Variants in MXD1 observed in about 807,000 individuals in gnomAD.
MXD1 encodes MAX dimerization protein 1.
In MXD1, 9 loss-of-function variants were observed where a neutral mutation model predicts 25.7. The ratio of observed to expected loss-of-function variants is 0.35; its 90% CI spans 0.21 to 0.61. The LOEUF (loss-of-function observed/expected upper bound fraction) is 0.61. Among genes scored for constraint, MXD1 ranks in the 20% least tolerant of loss-of-function variants. The pLI is 0.75. For missense variants in MXD1, 227 were observed against 292.4 expected, an observed-to-expected ratio of 0.78 and a Z score of 1.63; for synonymous variants, 99 against 113.9, an observed-to-expected ratio of 0.87 and a Z score of 0.83.
chr2:69,938,244 T>C lies in MXD1; in HGVS notation c.626T>C (p.Ile209Thr), dbSNP rs200915568. Reference sequence around the variant, plus strand: ...TATTCCAGCACCAGCATCAAGAGAATAAAGCTGCAGGACAGTCACAAGGCG... The same window carrying C: ...TATTCCAGCACCAGCATCAAGAGAACAAAGCTGCAGGACAGTCACAAGGCG... ...EGYSSTSIKR[I>T]KLQDSHKACL... Residue 209 changes from isoleucine (I) to threonine (T), a missense_variant, in exon 6 of 6, where the codon ATA (isoleucine) becomes ACA (threonine). Physicochemically the swap from Ile to Thr is moderately conservative, Grantham distance 89. Coordinates refer to ENST00000264444, the MANE Select transcript of MXD1 (RefSeq NM_002357.4). 3.3e-5 allele frequency: 53 copies of C among 1,614,152 alleles called. No homozygotes were observed. The highest frequency in any genetic ancestry group is 4.2e-5 in the Non-Finnish European group (50 of 1,180,018).
At chr2:69,931,791 A>G (rs1283126047) in intron 3 of MXD1, among the ~76,000 whole-genome samples, 1 of 152,232 alleles carries the variant, frequency 6.6e-6, no homozygotes, top group Non-Finnish European at 1.5e-5. Flanking sequence ...GACCAAAGGT[A>G]TATCAGCTTA....
intron 5 of MXD1, among the ~76,000 whole-genome samples, chr2:69,937,893 C>T (rs1054126495): frequency 1.3e-5 from 2 of 152,280 alleles, no homozygotes; most frequent in Admixed American, 6.5e-5. Context: ...GGATTACAGG[C>T]GTGAGCCACC....
rs1677643232 is a variant in MXD1 at position 69,942,871 on chromosome 2, G to A, written c.*4587G>A. ...TTTAGAAACTACTACATGTTTTAGA[G>A]AATCTTTGCTGTGTATATGTAAACT... On this transcript the variant is annotated 3_prime_UTR_variant, in exon 6 of 6. Coordinates refer to ENST00000264444, the MANE Select transcript of MXD1 (RefSeq NM_002357.4). The A allele has an allele frequency of 6.6e-6, 1 of 152,148 alleles. No homozygotes were observed. The highest frequency in any genetic ancestry group is 2.4e-5 in the African/African-American group (1 of 41,418). The allele number at this position is 152,148 out of a possible 1,614,324, so 9.4% of individuals were successfully genotyped here. A position where few individuals can be genotyped will look rare whatever the true frequency, so the allele number is the denominator to read the frequency against.
In MXD1 at chr2:69,930,154, T is replaced by C. The variant is rs72904966; in HGVS notation, c.204-5197T>C. Among the ~76,000 whole-genome samples, 799 of 152,326 alleles carry C rather than the reference T, an allele frequency of 5.2e-3. 8 individuals carry two copies. Among genetic ancestry groups the C allele is most frequent in the African/African-American group, 0.019 (770 of 41,574 alleles). On this transcript the variant is annotated intron_variant, in intron 3 of 5. Coordinates refer to ENST00000264444, the MANE Select transcript of MXD1 (RefSeq NM_002357.4). ...GGAATCTGCTATTTTTTTCATTTACTCAATTTTCTTGTGTCTTTCAACAAA... is the reference window on the plus strand; with the variant it reads ...GGAATCTGCTATTTTTTTCATTTACCCAATTTTCTTGTGTCTTTCAACAAA...
At position 69,935,375 on chromosome 2, in the gene MXD1, G is replaced by A. The variant is rs1677402041; in HGVS notation, c.228G>A (p.Leu76=). The A allele has an allele frequency of 6.2e-7, 1 of 1,613,990 alleles. No individual in the cohort carries two copies. The highest frequency in any genetic ancestry group is 8.5e-7 in the Non-Finnish European group (1 of 1,179,882). The change falls in exon 4 of 6, where the codon CTG becomes CTA. Residue 76 remains leucine (L), a synonymous_variant. Transcript: ENST00000264444. The part of the protein sequence containing the change: ...KNRRAHLRLC[L]EKLKGLVPLG... Reference sequence around the variant, plus strand: ...GACGGGCTCATCTTCGCTTGTGCCTGGAGAAGTTGAAGGGGCTGGTGCCAC... The same window carrying A: ...GACGGGCTCATCTTCGCTTGTGCCTAGAGAAGTTGAAGGGGCTGGTGCCAC...
Position 69,937,359 on chromosome 2 carries a change from C to T in MXD1, c.443C>T (p.Ser148Phe). Residue 148 changes from serine (S) to phenylalanine (F), a missense_variant, in exon 5 of 6, where the codon TCC becomes TTC. Transcript: ENST00000264444. Reference sequence around the variant, plus strand: ...AGGATCCGGATGGACAGCATCGGCTCCACCGTCTCCTCGGAGCGCTCCGAC... The same window carrying T: ...AGGATCCGGATGGACAGCATCGGCTTCACCGTCTCCTCGGAGCGCTCCGAC... Reference protein sequence around the residue: ...IERIRMDSIGSTVSSERSDSD... With the variant: ...IERIRMDSIGFTVSSERSDSD... 1 of 1,613,626 alleles carries T rather than the reference C, an allele frequency of 6.2e-7. No homozygotes were observed. The highest frequency in any genetic ancestry group is 8.5e-7 in the Non-Finnish European group (1 of 1,179,778).
chr2:69,932,550 A>G (rs1677314080), intron 3 of MXD1, among the ~76,000 whole-genome samples: 1 of 152,156 alleles, frequency 6.6e-6, no homozygotes, highest in Non-Finnish European at 1.5e-5. Context: ...TTCTGGTCCT[A>G]TTTTTGTAGA....
chr2:69,930,686 G>A (rs1014284800), intron 3 of MXD1, among the ~76,000 whole-genome samples: 7 of 152,188 alleles, frequency 4.6e-5, no homozygotes, highest in Admixed American at 6.5e-5. Context: ...GATAGCCTCT[G>A]TCTGCCTAGT....
Position 69,915,226 on chromosome 2 carries a change from C to T in MXD1, c.-105C>T, listed in dbSNP as rs992913441. On this transcript the variant is annotated 5_prime_UTR_variant, in exon 1 of 6. Coordinates refer to ENST00000264444, the MANE Select transcript of MXD1 (RefSeq NM_002357.4). This position sits in a 1 kb window ranked among gnomAD's most constrained non-coding sequence, Gnocchi z 5.8. ...CAGCCCTGCTCCGCGGGGTCCACAG[C>T]GGGCTCCACAGCGGGCTCCATAGCG... The T allele has an allele frequency of 8.6e-6, 9 of 1,040,634 alleles. No individual in the cohort carries two copies. Among genetic ancestry groups the T allele is most frequent in the African/African-American group, 8.3e-5 (5 of 59,916 alleles). The allele number at this position is 1,040,634 out of a possible 1,614,324, so 64.5% of individuals were successfully genotyped here.
At chr2:69,926,344 T>C (rs1368011088) in intron 3 of MXD1, among the ~76,000 whole-genome samples, 8 of 152,174 alleles carry the variant, frequency 5.3e-5, no homozygotes, top group Non-Finnish European at 1.2e-4. Flanking sequence ...TCTCCTTTTT[T>C]TTTTTCCATG....
At chr2:69,923,068 C>A (rs370645796) in intron 3 of MXD1, among the ~76,000 whole-genome samples, 1 of 149,682 alleles carries the variant, frequency 6.7e-6, no homozygotes, top group Non-Finnish European at 1.5e-5. Flanking sequence ...CACAAAACAC[C>A]CAAAACAACA....
chr2:69,936,088 G>A (rs1677430305), intron 4 of MXD1, among the ~76,000 whole-genome samples: 1 of 151,892 alleles, frequency 6.6e-6, no homozygotes. Context: ...CTTTGTCAAT[G>A]CTCTTCCCTC....
Position 69,915,458 on chromosome 2 carries a change from C to A in MXD1, c.73+55C>A. The A allele has an allele frequency of 8.1e-7, 1 of 1,240,598 alleles. No homozygotes were observed. The highest frequency in any genetic ancestry group is 1.0e-6 in the Non-Finnish European group (1 of 977,672). 76.8% of individuals were successfully genotyped at this position (1,240,598 alleles called of 1,614,324 possible). A position where few individuals can be genotyped will look rare whatever the true frequency, so the allele number is the denominator to read the frequency against. On this transcript the variant is annotated intron_variant, in intron 1 of 5. Coordinates refer to ENST00000264444, the MANE Select transcript of MXD1 (RefSeq NM_002357.4). The surrounding 1 kb of genome is among the most constrained non-coding windows in gnomAD (Gnocchi z 5.8). ...AAACGAGGCCGGGGGTCCTGTGGGG[C>A]CGGCCTCAGGTCCGGGCGCCCAGCC... is the stretch of plus-strand genomic sequence containing the variant.
Position 69,928,709 on chromosome 2 carries a change from A to C in MXD1, c.204-6642A>C, listed in dbSNP as rs553758712. Among the ~76,000 whole-genome samples the C allele has an allele frequency of 8.9e-3, 1,357 of 152,014 alleles. 9 individuals are homozygous for C. The highest frequency in any genetic ancestry group is 0.016 in the Non-Finnish European group (1,061 of 67,952). On this transcript the variant is annotated intron_variant, in intron 3 of 5. Transcript: ENST00000264444. ...TAGTGAGACCCATCTGTACCAAAAA[A>C]AAAAAAAAAACCTGTAGTCCCACCT... is the stretch of plus-strand genomic sequence containing the variant.
Position 69,915,274 on chromosome 2 carries a change from G to A in MXD1, c.-57G>A. ...GCGGGCTCCACAGCGGTCCGGCGGC[G>A]GCAGCGAGCCCGTGGGCAGTGGGGG... On this transcript the variant is annotated 5_prime_UTR_variant, in exon 1 of 6. Transcript: ENST00000264444. This position sits in a 1 kb window ranked among gnomAD's most constrained non-coding sequence, Gnocchi z 5.8. The A allele has an allele frequency of 1.6e-6, 2 of 1,286,696 alleles. No homozygotes were observed. Among genetic ancestry groups the A allele is most frequent in the Non-Finnish European group, 2.0e-6 (2 of 1,006,206 alleles). The allele number at this position is 1,286,696 out of a possible 1,614,324, so 79.7% of individuals were successfully genotyped here.
At chr2:69,930,477 G>A (rs1002196087) in intron 3 of MXD1, among the ~76,000 whole-genome samples, 1 of 152,146 alleles carries the variant, frequency 6.6e-6, no homozygotes, top group Non-Finnish European at 1.5e-5. Context: ...ATGTGAACAG[G>A]AAATAAAGGA....
intron 2 of MXD1, among the ~76,000 whole-genome samples, chr2:69,921,072 G>T (rs1448178289): frequency 6.6e-6 from 1 of 152,162 alleles, no homozygotes; most frequent in Non-Finnish European, 1.5e-5. Flanking sequence ...GGATGGTAAA[G>T]AATTTTATTC....
At chr2:69,931,221 T>C (rs778910253) in intron 3 of MXD1, among the ~76,000 whole-genome samples, 8 of 152,174 alleles carry the variant, frequency 5.3e-5, no homozygotes, top group Non-Finnish European at 1.0e-4. Context: ...AAATATACAA[T>C]TATTTTGACT....
chr2:69,935,105 A>G (rs1420726864), intron 3 of MXD1, among the ~76,000 whole-genome samples: 1 of 152,228 alleles, frequency 6.6e-6, no homozygotes, highest in Non-Finnish European at 1.5e-5. Flanking sequence ...ATAATAGCAG[A>G]TATTATTCCC....
Sources: allele counts gnomAD v4.1 joint callset (sites outside exome capture counted in the v4.1 genomes callset), GRCh38; gene constraint gnomAD v4.1.1; non-coding constraint Gnocchi (gnomAD v3.1); transcripts MANE v1.5; gene names NCBI Gene and HGNC (gene_info 2026-07-23, HGNC 2026-07-21).